Variants in DYNC1LI1 observed in about 807,000 individuals in gnomAD.
The protein encoded by DYNC1LI1 is dynein cytoplasmic 1 light intermediate chain 1.
DYNC1LI1 carries 19 observed loss-of-function variants against 63.8 expected under a neutral mutation model. That is an observed-to-expected ratio of 0.30 (90% CI 0.21 to 0.44). The LOEUF is 0.44. Among genes scored for constraint, DYNC1LI1 ranks in the 20% least tolerant of loss-of-function variants. The pLI is 1.00. For missense variants in DYNC1LI1, 565 were observed against 630.2 expected (o/e 0.90, Z 1.11); for synonymous variants, 225 against 232.3 (o/e 0.97, Z 0.28).
chr3:32,556,481 T>C (rs1441985804), intron 2 of DYNC1LI1, among the ~76,000 whole-genome samples: 1 of 152,212 alleles, frequency 6.6e-6, no homozygotes, highest in Non-Finnish European at 1.5e-5. Flanking sequence ...AGAGAAACCA[T>C]GTCTTATGTA....
chr3:32,532,041 C>T (rs1697704682), intron 8 of DYNC1LI1: 1 of 152,102 alleles, frequency 6.6e-6, no homozygotes, highest in Non-Finnish European at 1.5e-5. Flanking sequence ...TTTATTTATG[C>T]AAATACTCAT....
At position 32,561,021 on chromosome 3, in the gene DYNC1LI1, AAAAAAAAAAAAACAAAC is replaced by A. The variant is rs1467673112; in HGVS notation, c.220+9308_220+9324del. On this transcript the variant is annotated intron_variant, in intron 2 of 12. Transcript: ENST00000273130. The stretch of plus-strand genomic sequence containing the variant: ...CCGTCTCAAAAAAAAAAAAAAAAAA[AAAAAAAAAAAAACAAAC>A]AAAAAAAACACACACACACCAAAGA... Among the ~76,000 whole-genome samples, 102 of 116,866 alleles carry A rather than the reference AAAAAAAAAAAAACAAAC, an allele frequency of 8.7e-4. 3 individuals carry two copies. Among genetic ancestry groups the A allele is most frequent in the African/African-American group, 2.9e-3 (82 of 28,532 alleles). 76.7% of individuals were successfully genotyped at this position (116,866 alleles called of 152,430 possible). A position where few individuals can be genotyped will look rare whatever the true frequency, so the allele number is the denominator to read the frequency against.
intron 2 of DYNC1LI1, among the ~76,000 whole-genome samples, chr3:32,564,241 G>A (rs1463792286): frequency 6.6e-6 from 1 of 152,192 alleles, no homozygotes; most frequent in Non-Finnish European, 1.5e-5. Flanking sequence ...TTGAGCCCAG[G>A]AGTTTGAGGC....
At chr3:32,555,426 A>G (rs1271283682) in intron 2 of DYNC1LI1, among the ~76,000 whole-genome samples, 1 of 152,232 alleles carries the variant, frequency 6.6e-6, no homozygotes, top group African/African-American at 2.4e-5. Flanking sequence ...CCCACTTTTT[A>G]TCTCCTATTT....
intron 2 of DYNC1LI1, chr3:32,566,629 G>A (rs974796946): frequency 3.6e-5 from 12 of 337,578 alleles, no homozygotes; most frequent in African/African-American, 1.8e-4. Context: ...TCCCAGCTAC[G>A]CAGGAGGCTG....
intron 2 of DYNC1LI1, among the ~76,000 whole-genome samples, chr3:32,565,903 G>T (rs991784937): frequency 1.3e-5 from 2 of 152,144 alleles, no homozygotes; most frequent in African/African-American, 4.8e-5. Flanking sequence ...CCATGGGGCC[G>T]GCCTCAGGCT....
At chr3:32,537,284 G>C in intron 5 of DYNC1LI1, 180 bp from the exon 6 acceptor site, 1 of 358,306 alleles carries the variant, frequency 2.8e-6, no homozygotes, top group African/African-American at 2.1e-5. Flanking sequence ...GGGACTAATG[G>C]ATAATTTTAT....
Position 32,526,270 on chromosome 3 carries a change from T to C in DYNC1LI1, c.*529A>G, listed in dbSNP as rs77147332. The C allele has an allele frequency of 5.9e-3, 901 of 152,910 alleles. 4 individuals carry two copies. Among genetic ancestry groups the C allele is most frequent in the Non-Finnish European group, 8.5e-3 (576 of 68,138 alleles). The allele number at this position is 152,910 out of a possible 1,614,324, so 9.5% of individuals were successfully genotyped here. ...AGACAATGACTAGTGTATCAAACGC[T>C]ATCTGATAGTTTTCTTAGCATATTC... On this transcript the variant is annotated 3_prime_UTR_variant, in exon 13 of 13. Coordinates refer to ENST00000273130, the MANE Select transcript of DYNC1LI1 (RefSeq NM_016141.4).
chr3:32,555,030 C>T lies in DYNC1LI1; in HGVS notation c.221-9065G>A, dbSNP rs145979788. On this transcript the variant is annotated intron_variant, in intron 2 of 12. Transcript: ENST00000273130. ...GACTACAGGCGCATGCCACCATGCC[C>T]GGCTAGTTTTTGTGGTTTTAGTAGA... Among the ~76,000 whole-genome samples the T allele has an allele frequency of 4.6e-3, 693 of 151,944 alleles. 5 individuals are homozygous for T. Among genetic ancestry groups the T allele is most frequent in the African/African-American group, 0.016 (646 of 41,444 alleles).
intron 4 of DYNC1LI1, among the ~76,000 whole-genome samples, chr3:32,543,311 C>T (rs1697907145): frequency 1.3e-5 from 2 of 151,766 alleles, no homozygotes; most frequent in Non-Finnish European, 1.5e-5. Flanking sequence ...TGTTTTCTTA[C>T]ACATAAATTC....
chr3:32,528,751 CTGAG>C (rs1434351342), intron 11 of DYNC1LI1, 150 bp from the exon 12 acceptor site: 5 of 677,966 alleles, frequency 7.4e-6, no homozygotes, highest in Admixed American at 7.2e-5. Context: ...TCTTTTGATG[CTGAG>C]TAATTTCTCT....
chr3:32,530,809 G>C (rs1697686145), intron 8 of DYNC1LI1: 1 of 311,180 alleles, frequency 3.2e-6, no homozygotes, highest in Admixed American at 4.4e-5. Flanking sequence ...CTAAGGAAAT[G>C]ATTTTTAATT....
chr3:32,540,676 C>T (rs149007852), intron 5 of DYNC1LI1, among the ~76,000 whole-genome samples: 5,105 of 136,564 alleles, frequency 0.037, 215 homozygotes, highest in East Asian at 0.21. Context: ...AGCAAAACTC[C>T]GTCTCAAAAA....
intron 5 of DYNC1LI1, 26 bp downstream of exon 5, chr3:32,541,011 G>T (rs921678607): frequency 1.9e-6 from 3 of 1,541,948 alleles, no homozygotes; most frequent in Non-Finnish European, 1.8e-6. Flanking sequence ...AATATCAGTT[G>T]CAGAATCCCT....
chr3:32,551,488 C>CAA (rs1445865356), intron 2 of DYNC1LI1, among the ~76,000 whole-genome samples: 2 of 152,146 alleles, frequency 1.3e-5, no homozygotes, highest in Non-Finnish European at 2.9e-5. Context: ...CTGAGAAGGT[C>CAA]AGACTATTCT....
chr3:32,544,558 A>G (rs991234041), intron 4 of DYNC1LI1, among the ~76,000 whole-genome samples: 2 of 152,196 alleles, frequency 1.3e-5, no homozygotes, highest in South Asian at 2.1e-4. Context: ...TCATGAGGTC[A>G]GGAGTGCGAG....
intron 8 of DYNC1LI1, 135 bp from the exon 9 acceptor site, chr3:32,530,655 T>C: frequency 2.6e-6 from 2 of 760,188 alleles, no homozygotes; most frequent in Non-Finnish European, 4.2e-6. Context: ...TATATTCACA[T>C]GCGTGAGCTG....
intron 10 of DYNC1LI1, 95 bp from the exon 11 acceptor site, chr3:32,529,755 CCT>C (rs142420876): frequency 0.024 from 26,577 of 1,094,892 alleles, 402 homozygotes; most frequent in East Asian, 0.048. Flanking sequence ...GCAACTATCC[CCT>C]GTTCTACTGG....
At chr3:32,564,863 G>A (rs755492589) in intron 2 of DYNC1LI1, among the ~76,000 whole-genome samples, 1 of 152,020 alleles carries the variant, frequency 6.6e-6, no homozygotes, top group Non-Finnish European at 1.5e-5. Context: ...TCCTCACATA[G>A]AAAACCATAC....
Sources: gnomAD v4.1 joint callset for allele counts (sites outside exome capture counted in the v4.1 genomes callset) on GRCh38, gnomAD v4.1.1 for gene constraint, MANE v1.5 for transcripts, NCBI Gene and HGNC (gene_info 2026-07-23, HGNC 2026-07-21) for gene names.